Variants in LIMK1 observed in about 807,000 individuals in gnomAD.
LIMK1 encodes the protein LIM motif-containing protein kinase.
LIMK1 carries 21 observed loss-of-function variants against 77.6 expected under a neutral mutation model. That is an observed-to-expected ratio of 0.27 (90% CI 0.19 to 0.39). The LOEUF (loss-of-function observed/expected upper bound fraction) is 0.39, where lower values mean the gene tolerates loss of function less well. LIMK1 is among the 10% of genes least tolerant of loss of function. The pLI, the probability that LIMK1 is intolerant of heterozygous loss-of-function variation, is 1.00. For synonymous variants in LIMK1, 358 were observed against 370.0 expected (o/e 0.97, Z 0.37); for missense variants, 696 against 901.6 (o/e 0.77, Z 2.92).
intron 3 of LIMK1, 113 bp downstream of exon 3, chr7:74,096,873 T>C: frequency 7.4e-7 from 1 of 1,347,078 alleles, no homozygotes; most frequent in Non-Finnish European, 1.0e-6. Flanking sequence ...TGCTGGTCTT[T>C]GGAGCTGCTT....
At position 74,092,943 on chromosome 7, in the gene LIMK1, C is replaced by T. The variant is rs551332385; in HGVS notation, c.153-3679C>T. ...AGGGCCGAGGCTGAGGAGCCTACAGCGTGTGTTCAGGACTGAGGGCCAGGG... is the reference window on the plus strand; with the variant it reads ...AGGGCCGAGGCTGAGGAGCCTACAGTGTGTGTTCAGGACTGAGGGCCAGGG... On this transcript the variant is annotated intron_variant, in intron 2 of 15. Transcript: ENST00000336180. The T allele has an allele frequency of 1.9e-5, 7 of 375,570 alleles. No homozygotes were observed. In the South Asian group the frequency reaches 1.9e-4, roughly 10 times the overall value. 23.3% of individuals were successfully genotyped at this position (375,570 alleles called of 1,614,324 possible).
intron 5 of LIMK1, 31 bp from the exon 6 acceptor site, chr7:74,105,844 G>A: frequency 1.3e-6 from 2 of 1,544,732 alleles, no homozygotes; most frequent in Non-Finnish European, 1.8e-6. Flanking sequence ...GGGACAGGTG[G>A]GCACTGGCCT....
At chr7:74,093,248 G>A (rs1584108997) in intron 2 of LIMK1, 1 of 1,535,966 alleles carries the variant, frequency 6.5e-7, no homozygotes, top group Non-Finnish European at 8.7e-7. Flanking sequence ...TAGCCACAGA[G>A]GATGCTGTTG....
chr7:74,102,484 CTTTTTT>C (rs71094754), intron 5 of LIMK1, among the ~76,000 whole-genome samples: 1 of 54,042 alleles, frequency 1.9e-5, no homozygotes, highest in Non-Finnish European at 3.5e-5. Context: ...AGGACCTTCT[CTTTTTT>C]TTTTTTTTTT....
At chr7:74,100,047 A>G (rs1554696293) in intron 5 of LIMK1, among the ~76,000 whole-genome samples, 1 of 151,928 alleles carries the variant, frequency 6.6e-6, no homozygotes, top group Non-Finnish European at 1.5e-5. Flanking sequence ...CTTATAATCG[A>G]AACACTTTGG....
intron 12 of LIMK1, among the ~76,000 whole-genome samples, chr7:74,112,581 G>A (rs1043613566): frequency 1.3e-5 from 2 of 152,038 alleles, no homozygotes; most frequent in African/African-American, 2.4e-5. Context: ...TTGGGAGGCC[G>A]AGGTGGGTGG....
rs553744740 is a variant in LIMK1 at position 74,107,930 on chromosome 7, G to C, written c.1125G>C (p.Glu375Asp). 3.0e-5 allele frequency: 48 copies of C among 1,575,102 alleles called. No individual in the cohort carries two copies. The Middle Eastern group carries it at 5.0e-4, about 16-fold the overall frequency. Residue 375 changes from glutamate (E) to aspartate (D), a missense_variant, in exon 9 of 16, where the codon GAG (glutamate) becomes GAC (aspartate). Glu to Asp is a conservative substitution (Grantham distance 45). Around this residue, in one of 3 missense-constraint regions of LIMK1, gnomAD observed 438 missense variants for 602.3 expected, o/e 0.73. Coordinates refer to ENST00000336180, the MANE Select transcript of LIMK1 (RefSeq NM_002314.4). ...MVMKELIRFD[E>D]ETQRTFLKEV... ...TGAAGGAGCTGATCCGGTTCGACGA[G>C]GAGACCCAGAGGACGTTCCTCAAGG...
intron 8 of LIMK1, 115 bp from the exon 9 acceptor site, chr7:74,107,756 A>G (rs1426715670): frequency 2.7e-6 from 2 of 733,604 alleles, no homozygotes; most frequent in Admixed American, 2.1e-5. Flanking sequence ...TGCACAGCCT[A>G]GAGTATGAAG....
intron 5 of LIMK1, among the ~76,000 whole-genome samples, chr7:74,102,631 G>A (rs1300154869): frequency 6.6e-5 from 10 of 151,076 alleles, no homozygotes; most frequent in African/African-American, 2.2e-4. Context: ...CTACAGGCAC[G>A]GGCCACCACG....
intron 13 of LIMK1, among the ~76,000 whole-genome samples, chr7:74,117,460 C>T (rs570922931): frequency 9.9e-5 from 15 of 152,126 alleles, no homozygotes; most frequent in African/African-American, 2.7e-4. Flanking sequence ...GGGATCAGGA[C>T]GCAGTCATCT....
rs368283904 is a variant in LIMK1 at position 74,111,925 on chromosome 7, G to A, written c.1345-8G>A. On this transcript the variant is annotated splice_region_variant and splice_polypyrimidine_tract_variant and intron_variant, in intron 11 of 15. Coordinates refer to ENST00000336180, the MANE Select transcript of LIMK1 (RefSeq NM_002314.4). ...GCTGCCCCCTGACTCCCGTGTCCCCGTCCCTAGGCCTACCTCCACTCCATG... is the reference window on the plus strand; with the variant it reads ...GCTGCCCCCTGACTCCCGTGTCCCCATCCCTAGGCCTACCTCCACTCCATG... 5.2e-5 allele frequency: 84 copies of A among 1,612,196 alleles called. No homozygotes were observed. The highest frequency in any genetic ancestry group is 3.3e-4 in the Middle Eastern group (2 of 6,060).
intron 13 of LIMK1, 85 bp downstream of exon 13, chr7:74,116,043 C>G: frequency 2.2e-6 from 3 of 1,393,146 alleles, no homozygotes; most frequent in Admixed American, 2.1e-5. Flanking sequence ...AAGCCCCTGG[C>G]CCCTCCCAGC....
Position 74,105,899 on chromosome 7 carries a change from A to G in LIMK1, c.633A>G (p.Pro211=), listed in dbSNP as rs1554697373. The change falls in exon 6 of 16, where the codon CCA becomes CCG. Residue 211 remains proline, a synonymous_variant. Transcript: ENST00000336180. ...GAGTGGATCCGGGCTGCATGAGCCC[A>G]GATGTGAAGAATTCCATCCACGTCG... ...VQGVDPGCMS[P]DVKNSIHVGD... is the part of the protein sequence containing the mutation. The G allele has an allele frequency of 6.2e-7, 1 of 1,613,848 alleles. No homozygotes were observed. The highest frequency in any genetic ancestry group is 8.5e-7 in the Non-Finnish European group (1 of 1,179,900).
chr7:74,107,679 CAAAA>C (rs11321792), intron 8 of LIMK1, among the ~76,000 whole-genome samples, 188 bp from the exon 9 acceptor site: 9 of 126,474 alleles, frequency 7.1e-5, no homozygotes, highest in Admixed American at 1.6e-4. Flanking sequence ...GACCCCATCT[CAAAA>C]AAAAAAAAAA....
In LIMK1 at chr7:74,102,484, C is replaced by CTTT. The variant is rs71094754; in HGVS notation, c.608+3262_608+3264dup. The stretch of plus-strand genomic sequence containing the variant: ...GATATTCTCAAAAGAAGGACCTTCT[C>CTTT]TTTTTTTTTTTTTTTTTTGGAGACA... On this transcript the variant is annotated intron_variant, in intron 5 of 15. Coordinates refer to ENST00000336180, the MANE Select transcript of LIMK1 (RefSeq NM_002314.4). 2.9e-3 allele frequency among the ~76,000 whole-genome samples: 157 copies of CTTT among 54,066 alleles called. 34 individuals carry two copies. Among genetic ancestry groups the CTTT allele is most frequent in the East Asian group, 0.024 (30 of 1,262 alleles). 35.5% of individuals were successfully genotyped at this position (54,066 alleles called of 152,430 possible).
rs183872156 is a variant in LIMK1, at chr7:74,086,380, G to A, written c.152+536G>A. ...TTCTTTTATGTATTTTTCTTTTTTCGAAATGGTCTTGCTCTGTTGCCCAGG... is the reference window on the plus strand; with the variant it reads ...TTCTTTTATGTATTTTTCTTTTTTCAAAATGGTCTTGCTCTGTTGCCCAGG... On this transcript the variant is annotated intron_variant, in intron 2 of 15. Coordinates refer to ENST00000336180, the MANE Select transcript of LIMK1 (RefSeq NM_002314.4). 1.2e-3 allele frequency among the ~76,000 whole-genome samples: 184 copies of A among 151,364 alleles called. 2 individuals are homozygous for A. The highest frequency in any genetic ancestry group is 3.8e-3 in the African/African-American group (156 of 41,216).
In LIMK1 at chr7:74,121,920, TTC is replaced by T. The variant is rs1554700743; in HGVS notation, c.*624_*625del. On this transcript the variant is annotated 3_prime_UTR_variant, in exon 16 of 16. Coordinates refer to ENST00000336180, the MANE Select transcript of LIMK1 (RefSeq NM_002314.4). The stretch of plus-strand genomic sequence containing the variant: ...CCCCAGTGGCTGAGCAAACAGCCCC[TTC>T]TCTCGCTTTGGGTCTTTTTTTTGTT... The T allele has an allele frequency of 6.5e-6, 1 of 152,810 alleles. No individual in the cohort carries two copies. The highest frequency in any genetic ancestry group is 2.4e-5 in the African/African-American group (1 of 41,470). The allele number at this position is 152,810 out of a possible 1,614,324, so 9.5% of individuals were successfully genotyped here. A position where few individuals can be genotyped will look rare whatever the true frequency, so the allele number is the denominator to read the frequency against.
At chr7:74,090,715 A>G (rs810534) in intron 2 of LIMK1, among the ~76,000 whole-genome samples, 115,327 of 152,120 alleles carry the variant, frequency 0.76, 45,018 homozygotes, top group Middle Eastern at 0.9. Flanking sequence ...GGCAGGGGCA[A>G]TGTGATAAGG....
At chr7:74,111,441 A>G (rs1799696460) in intron 10 of LIMK1, 4 of 277,116 alleles carry the variant, frequency 1.4e-5, no homozygotes, top group Non-Finnish European at 2.8e-5. Context: ...CCATCTAAAG[A>G]AAAAAAAAAA....
Sources: allele counts gnomAD v4.1 joint callset (sites outside exome capture counted in the v4.1 genomes callset), GRCh38; gene constraint gnomAD v4.1.1; regional missense constraint gnomAD v4.1.1; transcripts MANE v1.5; gene names NCBI Gene and HGNC (gene_info 2026-07-23, HGNC 2026-07-21).